KIF2C: variants seen among roughly 807,000 people sequenced by gnomAD.
KIF2C encodes kinesin family member 2C, also known as kinesin-like protein KIF2C.
KIF2C carries 34 observed loss-of-function variants against 97.4 expected under a neutral mutation model. That is an observed-to-expected ratio of 0.35 (90% CI 0.27 to 0.46). KIF2C has a LOEUF of 0.46. KIF2C is among the 20% of genes least tolerant of loss of function. KIF2C has a pLI of 1.00. For synonymous variants in KIF2C, 313 were observed against 318.2 expected, an observed-to-expected ratio of 0.98 and a Z score of 0.17; for missense variants, 750 against 907.6, an observed-to-expected ratio of 0.83 and a Z score of 2.23.
chr1:44,740,535 C>T (rs1166007703), intron 1 of KIF2C, among the ~76,000 whole-genome samples: 2 of 152,098 alleles, frequency 1.3e-5, no homozygotes, highest in South Asian at 2.1e-4. Flanking sequence ...TAGGAAAACC[C>T]CAAAAGGGCC....
chr1:44,744,127 A>G (rs753266106), intron 2 of KIF2C, among the ~76,000 whole-genome samples: 1 of 150,324 alleles, frequency 6.7e-6, no homozygotes, highest in African/African-American at 2.5e-5. Context: ...GTCTCACTCT[A>G]TCGCCAGGCT....
chr1:44,747,372 T>C lies in KIF2C; in HGVS notation c.166-12T>C. The C allele has an allele frequency of 1.3e-6, 2 of 1,594,346 alleles. No homozygotes were observed. The highest frequency in any genetic ancestry group is 1.7e-6 in the Non-Finnish European group (2 of 1,167,926). ...ATGTTGTTTCATTGAAACTTTTACT[T>C]GCTCCTTGCAGATTGATTTTGATGA... On this transcript the variant is annotated splice_polypyrimidine_tract_variant and intron_variant, in intron 2 of 20. Coordinates refer to ENST00000372224, the MANE Select transcript of KIF2C (RefSeq NM_006845.4).
At chr1:44,763,656 A>G (rs1309645300) in intron 19 of KIF2C, among the ~76,000 whole-genome samples, 1 of 152,132 alleles carries the variant, frequency 6.6e-6, no homozygotes, top group Non-Finnish European at 1.5e-5. Context: ...TAGATATATC[A>G]TATGGCCACC....
chr1:44,758,550 G>C (rs187978699), intron 13 of KIF2C, among the ~76,000 whole-genome samples: 3 of 152,160 alleles, frequency 2.0e-5, no homozygotes, highest in Admixed American at 1.3e-4. Context: ...GTGGGATCTA[G>C]ATAATAAAAA....
chr1:44,750,574 G>A lies in KIF2C; in HGVS notation c.439+10G>A, dbSNP rs890589430. ...CAGTTTTCAGTTCCTCGTGAGTAAC[G>A]AATGTGCCCCCAACCACCATGTTTG... On this transcript the variant is annotated intron_variant, in intron 5 of 20. Coordinates refer to ENST00000372224, the MANE Select transcript of KIF2C (RefSeq NM_006845.4). 35 of 1,522,728 alleles carry A rather than the reference G, an allele frequency of 2.3e-5. No homozygotes were observed. Among genetic ancestry groups the A allele is most frequent in the African/African-American group, 6.9e-5 (5 of 72,174 alleles). The allele number at this position is 1,522,728 out of a possible 1,614,324, so 94.3% of individuals were successfully genotyped here.
chr1:44,754,620 C>G, intron 7 of KIF2C, 130 bp from the exon 8 acceptor site: 4 of 748,528 alleles, frequency 5.3e-6, no homozygotes, highest in Non-Finnish European at 2.4e-6. Flanking sequence ...GCTTCTCAAC[C>G]CAGAGCCAGG....
chr1:44,749,769 T>C (rs1649407425), intron 4 of KIF2C, among the ~76,000 whole-genome samples: 1 of 147,428 alleles, frequency 6.8e-6, no homozygotes, highest in Non-Finnish European at 1.5e-5. Flanking sequence ...TGGGTGGCAG[T>C]GTGAGACTCT....
intron 19 of KIF2C, 99 bp downstream of exon 19, chr1:44,762,757 A>G (rs1650235603): frequency 4.0e-6 from 3 of 758,572 alleles, no homozygotes; most frequent in East Asian, 5.1e-5. Context: ...TCCCACAGGT[A>G]TTCACATAGC....
rs1650061727 is a variant in KIF2C at position 44,760,187 on chromosome 1, A to C, written c.1368-93A>C. 1 of 1,192,414 alleles carries C rather than the reference A, an allele frequency of 8.4e-7. No individual in the cohort carries two copies. Among genetic ancestry groups the C allele is most frequent in the African/African-American group, 1.5e-5 (1 of 66,522 alleles). 73.9% of individuals were successfully genotyped at this position (1,192,414 alleles called of 1,614,324 possible). A position where few individuals can be genotyped will look rare whatever the true frequency, so the allele number is the denominator to read the frequency against. The stretch of plus-strand genomic sequence containing the variant: ...GGAAAACAGGACTTTTTCGCCTCCT[A>C]ACCTGTGTCCCTCCCTTCCTAGAGA... On this transcript the variant is annotated intron_variant, in intron 14 of 20. Transcript: ENST00000372224. This position sits in a 1 kb window ranked among gnomAD's most constrained non-coding sequence, Gnocchi z 4.2.
intron 16 of KIF2C, among the ~76,000 whole-genome samples, chr1:44,761,589 CAG>C (rs1319985950): frequency 6.7e-6 from 1 of 148,154 alleles, no homozygotes; most frequent in Non-Finnish European, 1.5e-5. Context: ...GTCTGGGCGA[CAG>C]AGTGAGACTC....
At chr1:44,748,950 G>A (rs1649365393) in intron 4 of KIF2C, among the ~76,000 whole-genome samples, 1 of 151,976 alleles carries the variant, frequency 6.6e-6, no homozygotes, top group African/African-American at 2.4e-5. Context: ...AAAGTGCTGG[G>A]ACTACAGGCA....
At chr1:44,743,488 A>G (rs1209201887) in intron 2 of KIF2C, among the ~76,000 whole-genome samples, 1 of 152,184 alleles carries the variant, frequency 6.6e-6, no homozygotes, top group African/African-American at 2.4e-5. Context: ...ACTCTCTTCC[A>G]TGGAGCTTAA....
chr1:44,747,764 C>CA lies in KIF2C; in HGVS notation c.316+65dup. The CA allele has an allele frequency of 2.7e-6, 4 of 1,466,896 alleles. No homozygotes were observed. In the South Asian group the frequency reaches 3.6e-5, roughly 13 times the overall value. 90.9% of individuals were successfully genotyped at this position (1,466,896 alleles called of 1,614,324 possible). Reference sequence around the variant, plus strand: ...TGTCAGGAATTATGTTTCTAGGACTCAGAGTTGTGGAAGCTCCTCTTTTGC... The same window carrying CA: ...TGTCAGGAATTATGTTTCTAGGACTCAAGAGTTGTGGAAGCTCCTCTTTTGC... On this transcript the variant is annotated intron_variant, in intron 4 of 20. Transcript: ENST00000372224.
At chr1:44,766,623 A>G (rs1650480016) in intron 19 of KIF2C, among the ~76,000 whole-genome samples, 1 of 151,770 alleles carries the variant, frequency 6.6e-6, no homozygotes, top group African/African-American at 2.4e-5. Context: ...AAAGAAACAA[A>G]GAAAACGAAA....
At chr1:44,751,166 C>T (rs1649488292) in intron 5 of KIF2C, among the ~76,000 whole-genome samples, 1 of 150,070 alleles carries the variant, frequency 6.7e-6, no homozygotes, top group African/African-American at 2.5e-5. Context: ...CATTAATTAG[C>T]TTTTTTTCTT....
intron 19 of KIF2C, among the ~76,000 whole-genome samples, chr1:44,765,841 C>T (rs1371637257): frequency 6.6e-6 from 1 of 152,126 alleles, no homozygotes; most frequent in Non-Finnish European, 1.5e-5. Flanking sequence ...CAACTAAGGT[C>T]GGGAATTTGA....
intron 13 of KIF2C, among the ~76,000 whole-genome samples, chr1:44,758,599 G>A (rs1414215331): frequency 2.6e-5 from 4 of 152,156 alleles, no homozygotes; most frequent in Non-Finnish European, 1.5e-5. Flanking sequence ...TAGGGGCCAG[G>A]CGTGATGGCT....
Position 44,759,232 on chromosome 1 carries a change from C to T in KIF2C, c.1251C>T (p.Ala417=), listed in dbSNP as rs775449193. ...GKLFDLLNKK[A]KLRVLEDGKQ... is the part of the protein sequence containing the mutation. ...TGTTTGACCTGCTCAACAAGAAGGC[C>T]AAGCTGCGCGTGCTGGAGGACGGCA... The change falls in exon 14 of 21, where the codon GCC becomes GCT. Residue 417 remains alanine, a synonymous_variant. Transcript: ENST00000372224. 6.2e-7 allele frequency: 1 copy of T among 1,614,122 alleles called. No homozygotes were observed. Among genetic ancestry groups the T allele is most frequent in the Non-Finnish European group, 8.5e-7 (1 of 1,180,028 alleles).
chr1:44,754,736 T>C lies in KIF2C; in HGVS notation c.664-14T>C. ...CTTAACAGTCTGCCCTTTTTCACTC[T>C]CGTCTCAAACCAGGAGTATGACAGT... On this transcript the variant is annotated splice_polypyrimidine_tract_variant and intron_variant, in intron 7 of 20. Coordinates refer to ENST00000372224, the MANE Select transcript of KIF2C (RefSeq NM_006845.4). The C allele has an allele frequency of 1.9e-6, 3 of 1,541,194 alleles. No individual in the cohort carries two copies. The highest frequency in any genetic ancestry group is 2.7e-6 in the Non-Finnish European group (3 of 1,113,524).
Sources: gnomAD v4.1 joint callset for allele counts (sites outside exome capture counted in the v4.1 genomes callset) on GRCh38, gnomAD v4.1.1 for gene constraint, Gnocchi (gnomAD v3.1) non-coding constraint, MANE v1.5 for transcripts, NCBI Gene and HGNC (gene_info 2026-07-23, HGNC 2026-07-21) for gene names.